UBE2E1: variants seen among roughly 807,000 people sequenced by gnomAD.
UBE2E1 encodes ubiquitin conjugating enzyme E2 E1, also known as ubiquitin-conjugating enzyme E2 E1.
In UBE2E1, 6 loss-of-function variants were observed where a neutral mutation model predicts 21.4. The observed-to-expected ratio is 0.28, with a 90% confidence interval of 0.15 to 0.55. The LOEUF (loss-of-function observed/expected upper bound fraction) is 0.55. Among genes scored for constraint, UBE2E1 ranks in the 20% least tolerant of loss-of-function variants. The pLI is 0.93. For synonymous variants in UBE2E1, 87 were observed against 82.7 expected (o/e 1.05, Z -0.28); for missense variants, 142 against 236.5 (o/e 0.60, Z 2.62).
At chr3:23,883,329 G>A (rs1202077685) in intron 3 of UBE2E1, among the ~76,000 whole-genome samples, 2 of 152,084 alleles carry the variant, frequency 1.3e-5, no homozygotes, top group Non-Finnish European at 2.9e-5. Flanking sequence ...TCATTTTATC[G>A]AGAAATAGGT....
intron 3 of UBE2E1, among the ~76,000 whole-genome samples, chr3:23,848,910 TA>T (rs1700265966): frequency 6.6e-6 from 1 of 152,202 alleles, no homozygotes; most frequent in African/African-American, 2.4e-5. Flanking sequence ...TTCTTTCACT[TA>T]GTACAGTGTT....
At chr3:23,869,108 T>C (rs1292751661) in intron 3 of UBE2E1, among the ~76,000 whole-genome samples, 1 of 152,208 alleles carries the variant, frequency 6.6e-6, no homozygotes, top group Non-Finnish European at 1.5e-5. Flanking sequence ...AGAATTTCTA[T>C]ATCAAAGTGT....
intron 3 of UBE2E1, among the ~76,000 whole-genome samples, chr3:23,830,415 A>AT (rs1258206853): frequency 8.2e-6 from 1 of 121,410 alleles, no homozygotes; most frequent in African/African-American, 3.1e-5. Context: ...GAGTGGGTTC[A>AT]TTTTTTTGTT....
intron 3 of UBE2E1, among the ~76,000 whole-genome samples, chr3:23,814,398 T>C (rs1364351485): frequency 6.6e-6 from 1 of 152,222 alleles, no homozygotes; most frequent in Admixed American, 6.5e-5. Flanking sequence ...TTCAATGACC[T>C]GGTCCAAAGT....
At chr3:23,825,561 T>G (rs1699740549) in intron 3 of UBE2E1, among the ~76,000 whole-genome samples, 1 of 151,948 alleles carries the variant, frequency 6.6e-6, no homozygotes, top group Non-Finnish European at 1.5e-5. Context: ...ACCAAGAAAT[T>G]AAAATAGAGT....
Position 23,890,733 on chromosome 3 carries a change from C to CTTAT in UBE2E1, c.*130_*133dup. 1 of 784,844 alleles carries CTTAT rather than the reference C, an allele frequency of 1.3e-6. No individual in the cohort carries two copies. 48.6% of individuals were successfully genotyped at this position (784,844 alleles called of 1,614,324 possible). On this transcript the variant is annotated 3_prime_UTR_variant, in exon 6 of 6. Transcript: ENST00000306627. ...ATTTCTATAACAGATATTATTCAGT[C>CTTAT]TTATTTCCTAAGATTTTGTTGTAAC...
At chr3:23,862,794 C>T (rs562149494) in intron 3 of UBE2E1, among the ~76,000 whole-genome samples, 5 of 152,240 alleles carry the variant, frequency 3.3e-5, no homozygotes, top group South Asian at 4.2e-4. Context: ...GGTGCCATCA[C>T]GGCTTACTGC....
intron 3 of UBE2E1, among the ~76,000 whole-genome samples, chr3:23,881,437 C>T (rs920084827): frequency 2.0e-5 from 3 of 152,180 alleles, no homozygotes; most frequent in East Asian, 1.9e-4. Flanking sequence ...TCTTCACTTC[C>T]TCAGTTACAT....
intron 3 of UBE2E1, among the ~76,000 whole-genome samples, chr3:23,848,469 CAAAA>C (rs36092258): frequency 7.3e-6 from 1 of 136,594 alleles, no homozygotes; most frequent in African/African-American, 2.7e-5. Context: ...GACTCTGTCT[CAAAA>C]AAAAAAAAAC....
rs112300320 is a variant in UBE2E1, at chr3:23,864,531, T to C, written c.204-23036T>C. ...TCTTTTATTGAGTTTTTGAAATCTT[T>C]TGTTTGCTTGCTTTTGTTTTTAATT... is the stretch of plus-strand genomic sequence containing the variant. On this transcript the variant is annotated intron_variant, in intron 3 of 5. Transcript: ENST00000306627. Among the ~76,000 whole-genome samples, 250 of 152,338 alleles carry C rather than the reference T, an allele frequency of 1.6e-3. 1 individual carries two copies. The highest frequency in any genetic ancestry group is 5.9e-3 in the African/African-American group (247 of 41,588).
rs1024788978 is a variant in UBE2E1 at position 23,845,722 on chromosome 3, C to T, written c.203+34212C>T. ...AAGTCCAAGTAGTAAATATTCTAGG[C>T]GTCATAGGCCATTTGATCTCTGTTA... On this transcript the variant is annotated intron_variant, in intron 3 of 5. Coordinates refer to ENST00000306627, the MANE Select transcript of UBE2E1 (RefSeq NM_003341.5). Among the ~76,000 whole-genome samples, 9 of 151,860 alleles carry T rather than the reference C, an allele frequency of 5.9e-5. No individual in the cohort carries two copies. In the South Asian group the frequency reaches 8.3e-4, roughly 14 times the overall value.
intron 3 of UBE2E1, among the ~76,000 whole-genome samples, chr3:23,819,976 A>C: frequency 6.6e-6 from 1 of 152,242 alleles, no homozygotes; most frequent in East Asian, 1.9e-4. Flanking sequence ...ACAGAGTTAC[A>C]AATGGTAACC....
intron 3 of UBE2E1, among the ~76,000 whole-genome samples, chr3:23,813,004 AAAC>A (rs1699434764): frequency 6.6e-6 from 1 of 152,052 alleles, no homozygotes; most frequent in Non-Finnish European, 1.5e-5. Flanking sequence ...TAAAAAAAAA[AAAC>A]AGTGTAAGTA....
At chr3:23,881,470 C>G (rs1381696569) in intron 3 of UBE2E1, among the ~76,000 whole-genome samples, 1 of 152,164 alleles carries the variant, frequency 6.6e-6, no homozygotes, top group African/African-American at 2.4e-5. Flanking sequence ...AGGTTCTAAT[C>G]ACAGTTAAAT....
chr3:23,882,150 C>T (rs1701059679), intron 3 of UBE2E1, among the ~76,000 whole-genome samples: 1 of 152,200 alleles, frequency 6.6e-6, no homozygotes, highest in Non-Finnish European at 1.5e-5. Flanking sequence ...CCACTGCTGG[C>T]TCTGGCAGCC....
intron 3 of UBE2E1, among the ~76,000 whole-genome samples, chr3:23,882,911 C>T (rs1701086399): frequency 1.3e-5 from 2 of 152,226 alleles, no homozygotes; most frequent in South Asian, 4.1e-4. Flanking sequence ...CCCACCCGCG[C>T]CTCTCCCTCC....
In UBE2E1 at chr3:23,806,636, C is replaced by T. The variant is rs1323960697; in HGVS notation, c.-34+548C>T. On this transcript the variant is annotated intron_variant, in intron 1 of 5. Coordinates refer to ENST00000306627, the MANE Select transcript of UBE2E1 (RefSeq NM_003341.5). The surrounding 1 kb of genome is among the most constrained non-coding windows in gnomAD (Gnocchi z 6.5). ...GAGGCAGGCAGGCCGGGAGGGGCGT[C>T]GGGGCGCGGCGCGGGGGGGCCTCGG... is the stretch of plus-strand genomic sequence containing the variant. Among the ~76,000 whole-genome samples the T allele has an allele frequency of 6.6e-6, 1 of 151,028 alleles. No individual in the cohort carries two copies. The highest frequency in any genetic ancestry group is 2.4e-5 in the African/African-American group (1 of 41,140).
At chr3:23,833,355 C>T (rs886181921) in intron 3 of UBE2E1, among the ~76,000 whole-genome samples, 8 of 152,116 alleles carry the variant, frequency 5.3e-5, no homozygotes, top group Non-Finnish European at 1.2e-4. Flanking sequence ...ATTTAATAGA[C>T]CTTCCCACTA....
chr3:23,874,848 C>T (rs1315314108), intron 3 of UBE2E1, among the ~76,000 whole-genome samples: 2 of 152,186 alleles, frequency 1.3e-5, no homozygotes, highest in Non-Finnish European at 2.9e-5. Flanking sequence ...CCAACCCCTG[C>T]TTCTTTCAGG....
Sources: gnomAD v4.1 joint callset for allele counts (sites outside exome capture counted in the v4.1 genomes callset) on GRCh38, gnomAD v4.1.1 for gene constraint, Gnocchi (gnomAD v3.1) non-coding constraint, MANE v1.5 for transcripts, NCBI Gene and HGNC (gene_info 2026-07-23, HGNC 2026-07-21) for gene names.